MTR: variants seen among roughly 807,000 people sequenced by gnomAD.
MTR encodes the protein 5-methyltetrahydrofolate-homocysteine methyltransferase.
MTR carries 84 observed loss-of-function variants against 154.8 expected under a neutral mutation model. The ratio of observed to expected loss-of-function variants is 0.54; its 90% CI spans 0.45 to 0.65. The LOEUF is 0.65. Among genes scored for constraint, MTR ranks in the 30% least tolerant of loss-of-function variants. MTR has a pLI of 0.00. For missense variants in MTR, 1,275 were observed against 1,570.2 expected, an observed-to-expected ratio of 0.81 and a Z score of 3.18; for synonymous variants, 554 against 553.9, an observed-to-expected ratio of 1.00 and a Z score of 0.00.
chr1:236,857,773 C>T (rs931315837), intron 18 of MTR, among the ~76,000 whole-genome samples: 8 of 152,116 alleles, frequency 5.3e-5, no homozygotes, highest in East Asian at 1.9e-4. Context: ...AAGTGCAGGA[C>T]GCTAGGAGAA....
At chr1:236,842,621 A>G (rs1434050789) in intron 15 of MTR, among the ~76,000 whole-genome samples, 2 of 151,992 alleles carry the variant, frequency 1.3e-5, no homozygotes, top group Non-Finnish European at 2.9e-5. Context: ...TTACTTTTTA[A>G]TGAAGCAAAT....
intron 25 of MTR, among the ~76,000 whole-genome samples, chr1:236,883,215 T>C (rs1462178590): frequency 6.6e-6 from 1 of 152,230 alleles, no homozygotes; most frequent in Non-Finnish European, 1.5e-5. Context: ...AAGGAAAATA[T>C]AAACTGTGAT....
rs1314739737 is a variant in MTR, at chr1:236,874,729, T to C, written c.2477T>C (p.Ile826Thr). ...TTTTTAAAAAAAAAAAAAATAGATA[T>C]AATTGGCCTGTCAGGACTCATCACT... ...LKAALDHKAD[I>T]IGLSGLITPS... is the part of the protein sequence containing the mutation. The change falls in exon 24 of 33, where the codon ATA (isoleucine) becomes ACA (threonine). Residue 826 changes from isoleucine (I) to threonine (T), a missense_variant. Transcript: ENST00000366577. 3 of 1,588,254 alleles carry C rather than the reference T, an allele frequency of 1.9e-6. No homozygotes were observed. The highest frequency in any genetic ancestry group is 2.6e-6 in the Non-Finnish European group (3 of 1,166,766).
At chr1:236,829,328 C>G in intron 12 of MTR, 60 bp downstream of exon 12, 1 of 1,376,188 alleles carries the variant, frequency 7.3e-7, no homozygotes, top group Non-Finnish European at 1.0e-6. Flanking sequence ...TGTGAGTATT[C>G]TAAGTGGTAG....
intron 26 of MTR, among the ~76,000 whole-genome samples, chr1:236,885,934 TTAATTC>T (rs1292449693): frequency 1.3e-5 from 2 of 152,168 alleles, no homozygotes; most frequent in Non-Finnish European, 2.9e-5. Context: ...GACAGTTTCT[TTAATTC>T]TACCTTCTGG....
chr1:236,836,426 C>T (rs989752011), intron 14 of MTR, among the ~76,000 whole-genome samples: 3 of 151,996 alleles, frequency 2.0e-5, no homozygotes, highest in Admixed American at 6.6e-5. Flanking sequence ...GTAGAGAGGT[C>T]GGGTCTTGCT....
intron 28 of MTR, among the ~76,000 whole-genome samples, chr1:236,889,861 C>T (rs1028521233): frequency 6.6e-6 from 1 of 152,094 alleles, no homozygotes. Context: ...GGCACATGTG[C>T]CTATTTGGGG....
At chr1:236,832,412 C>G (rs963543278) in intron 13 of MTR, among the ~76,000 whole-genome samples, 5 of 152,172 alleles carry the variant, frequency 3.3e-5, no homozygotes, top group African/African-American at 4.8e-5. Flanking sequence ...ACAAATCCTT[C>G]TAGGGAAAGG....
intron 17 of MTR, 102 bp from the exon 18 acceptor site, chr1:236,852,846 T>C: frequency 2.2e-6 from 3 of 1,385,112 alleles, no homozygotes; most frequent in Non-Finnish European, 3.1e-6. Context: ...ACAGAGGCTA[T>C]GGCCTAAAAT....
At chr1:236,839,838 A>G (rs764376919) in intron 15 of MTR, among the ~76,000 whole-genome samples, 15 of 152,358 alleles carry the variant, frequency 9.8e-5, no homozygotes, top group Non-Finnish European at 1.3e-4. Context: ...CTTACTACAT[A>G]GAATACTGTG....
intron 5 of MTR, among the ~76,000 whole-genome samples, chr1:236,811,060 C>A (rs990265364): frequency 1.3e-5 from 2 of 152,170 alleles, no homozygotes; most frequent in African/African-American, 4.8e-5. Flanking sequence ...GTTTAATGGA[C>A]TTACAGTTCC....
intron 18 of MTR, among the ~76,000 whole-genome samples, chr1:236,853,372 G>C (rs1664030229): frequency 6.6e-6 from 1 of 152,098 alleles, no homozygotes; most frequent in Non-Finnish European, 1.5e-5. Context: ...ATTAGTTCTA[G>C]AAAATTTACA....
At chr1:236,865,177 A>G (rs1048614897) in intron 22 of MTR, among the ~76,000 whole-genome samples, 52 of 152,264 alleles carry the variant, frequency 3.4e-4, no homozygotes, top group African/African-American at 1.2e-3. Flanking sequence ...GCTTTCCTGC[A>G]ACAAACCCAG....
chr1:236,889,681 TAAG>T (rs1015959723), intron 28 of MTR, among the ~76,000 whole-genome samples: 3 of 152,170 alleles, frequency 2.0e-5, no homozygotes, highest in South Asian at 2.1e-4. Flanking sequence ...CCTGTGGACA[TAAG>T]AGGAGATAGA....
At chr1:236,825,932 A>G (rs947035827) in intron 10 of MTR, among the ~76,000 whole-genome samples, 2 of 152,114 alleles carry the variant, frequency 1.3e-5, no homozygotes, top group Non-Finnish European at 2.9e-5. Context: ...CTCTTAGGCT[A>G]TTTCTGACTT....
chr1:236,900,216 C>T lies in MTR; in HGVS notation c.*2572C>T, dbSNP rs536580529. On this transcript the variant is annotated 3_prime_UTR_variant, in exon 33 of 33. Coordinates refer to ENST00000366577, the MANE Select transcript of MTR (RefSeq NM_000254.3). The stretch of plus-strand genomic sequence containing the variant: ...TAATTAGATATATATATTCATTCTA[C>T]GGGATATTATTCAGTAGTGGAAATG... The T allele has an allele frequency of 8.0e-5, 29 of 361,190 alleles. No homozygotes were observed. Among genetic ancestry groups the T allele is most frequent in the African/African-American group, 1.9e-4 (9 of 47,592 alleles). 22.4% of individuals were successfully genotyped at this position (361,190 alleles called of 1,614,324 possible).
intron 25 of MTR, 31 bp downstream of exon 25, chr1:236,880,867 A>G: frequency 6.3e-7 from 1 of 1,575,690 alleles, no homozygotes; most frequent in African/African-American, 1.3e-5. Flanking sequence ...TTTATTCCAG[A>G]TGTGTTGGAA....
rs1660339793 is a variant in MTR at position 236,795,755 on chromosome 1, T to C, written c.34+18T>C. Reference sequence around the variant, plus strand: ...GCAACCCGGTAACGCTGCGACCCCGTCTGCGTGGTTGGGTTGTGTTTCTTA... The same window carrying C: ...GCAACCCGGTAACGCTGCGACCCCGCCTGCGTGGTTGGGTTGTGTTTCTTA... On this transcript the variant is annotated intron_variant, in intron 1 of 32. Transcript: ENST00000366577. The C allele has an allele frequency of 6.2e-7, 1 of 1,614,020 alleles. No individual in the cohort carries two copies. The highest frequency in any genetic ancestry group is 1.3e-5 in the African/African-American group (1 of 74,958).
At chr1:236,886,196 T>C (rs1391304978) in intron 26 of MTR, 96 bp from the exon 27 acceptor site, 4 of 989,752 alleles carry the variant, frequency 4.0e-6, no homozygotes, top group Admixed American at 1.9e-5. Context: ...ATTTGCTTTC[T>C]TGCAAAGCTT....
Sources: gnomAD v4.1 joint callset for allele counts (sites outside exome capture counted in the v4.1 genomes callset) on GRCh38, gnomAD v4.1.1 for gene constraint, MANE v1.5 for transcripts, NCBI Gene and HGNC (gene_info 2026-07-23, HGNC 2026-07-21) for gene names.